The following AKAP17A variants were observed in gnomAD, a reference collection of about 807,000 sequenced individuals.
The protein encoded by AKAP17A is A-kinase anchor protein 17A.
AKAP17A carries 15 observed loss-of-function variants against 52.2 expected under a neutral mutation model. The observed-to-expected ratio is 0.29, with a 90% CI of 0.19 to 0.44. The LOEUF is 0.44. Ranked by LOEUF, AKAP17A falls within the 20% of genes least tolerant of loss-of-function variation. AKAP17A has a pLI of 1.00. For synonymous variants in AKAP17A, 514 were observed against 424.7 expected, an observed-to-expected ratio of 1.21 and a Z score of -2.58; for missense variants, 1,060 against 1,007.0, an observed-to-expected ratio of 1.05 and a Z score of -0.71.
At chrX:1,596,448 C>G (rs1160011897) in intron 3 of AKAP17A, among the ~76,000 whole-genome samples, 14 of 108,560 alleles carry the variant, frequency 1.3e-4, no homozygotes, top group East Asian at 2.6e-4. Flanking sequence ...TCCTCCTCCT[C>G]CATCCCTCCC....
rs778247081 is a variant in AKAP17A, at chrX:1,593,451, G to A, written c.-12G>A. On this transcript the variant is annotated 5_prime_UTR_variant, in exon 2 of 5. Coordinates refer to ENST00000313871, the MANE Select transcript of AKAP17A (RefSeq NM_005088.3). ...CTGCGTCTTATGTTTCAGGCCCAAG[G>A]TCCCGGAGGCTATGGCAGCGGCTAC... 3.1e-6 allele frequency: 5 copies of A among 1,609,218 alleles called. No homozygotes were observed. The Admixed American group carries it at 8.3e-5, about 27-fold the overall frequency.
At chrX:1,599,694 G>C in intron 4 of AKAP17A, 1 of 644,190 alleles carries the variant, frequency 1.6e-6, no homozygotes, top group Non-Finnish European at 2.8e-6. Context: ...GCAGCCTCCC[G>C]GGGGCCAGGG....
At chrX:1,592,614 G>A (rs1932858070) in intron 1 of AKAP17A, among the ~76,000 whole-genome samples, 1 of 152,138 alleles carries the variant, frequency 6.6e-6, no homozygotes, top group Non-Finnish European at 1.5e-5. Flanking sequence ...TGGGCGAGGA[G>A]GCCGTCTCCT....
rs754389766 is a variant in AKAP17A, at chrX:1,601,504, C to T, written c.1998C>T (p.Ser666=). 4.4e-5 allele frequency: 67 copies of T among 1,527,128 alleles called. No individual in the cohort carries two copies. The Admixed American group carries it at 9.6e-4, about 22-fold the overall frequency. The allele number at this position is 1,527,128 out of a possible 1,614,324, so 94.6% of individuals were successfully genotyped here. Residue 666 remains serine (S), a synonymous_variant, in exon 5 of 5, where the codon AGC becomes AGT. Transcript: ENST00000313871. The part of the protein sequence containing the change: ...RRERSRERRG[S]ASRKHSRHRR... ...AGCGGAGCCGGGAGCGGAGGGGCAG[C>T]GCCAGCAGGAAGCACAGCCGCCACC...
At position 1,599,381 on chromosome X, in the gene AKAP17A, G is replaced by T; in HGVS notation, c.1101G>T (p.Gln367His). Residue 367 changes from glutamine to histidine, a missense_variant, in exon 4 of 5, where the codon CAG becomes CAT. Physicochemically the swap from Gln to His is conservative, Grantham distance 24. This residue lies in a region of AKAP17A where 793 missense variants were observed against 629.9 expected (regional missense o/e 1.26). Coordinates refer to ENST00000313871, the MANE Select transcript of AKAP17A (RefSeq NM_005088.3). The stretch of plus-strand genomic sequence containing the variant: ...AGGAGCGCAAGCTGCTGCTGGCCCA[G>T]AGGAACCTGCAGTCCATCCGGCTCA... The part of the protein sequence containing the change: ...KLEERKLLLA[Q>H]RNLQSIRLIA... 6.3e-7 allele frequency: 1 copy of T among 1,582,096 alleles called. No homozygotes were observed.
chrX:1,593,932 A>G lies in AKAP17A; in HGVS notation c.470A>G (p.Lys157Arg), dbSNP rs759201193. The change falls in exon 2 of 5, where the codon AAG (lysine) becomes AGG (arginine). Residue 157 changes from lysine (K) to arginine (R), a missense_variant. By Grantham distance (26) the Lys-to-Arg change is conservative (BLOSUM62 2). Transcript: ENST00000313871. ...ATCCACCTGGAGGGGCTGCCCTGCA[A>G]GTGGTTCGCCCTGAAGGAGTCGGGC... is the stretch of plus-strand genomic sequence containing the variant. ...DTIHLEGLPC[K>R]WFALKESGSE... is the part of the protein sequence containing the mutation. 97 of 1,610,430 alleles carry G rather than the reference A, an allele frequency of 6.0e-5. 1 individual carries two copies. In the East Asian group the frequency reaches 2.1e-3, roughly 35 times the overall value.
intron 4 of AKAP17A, chrX:1,600,234 C>G: frequency 7.7e-7 from 1 of 1,306,222 alleles, no homozygotes; most frequent in Non-Finnish European, 1.0e-6. Flanking sequence ...CTAACCCAGG[C>G]TAGGCCAGGC....
intron 3 of AKAP17A, among the ~76,000 whole-genome samples, chrX:1,597,359 G>A (rs776579307): frequency 6.6e-5 from 10 of 152,288 alleles, no homozygotes; most frequent in Admixed American, 3.9e-4. Flanking sequence ...CATGTCAGCC[G>A]TCAGGATTCC....
chrX:1,592,009 G>A lies in AKAP17A; in HGVS notation c.-20+240G>A, dbSNP rs189802203. 7.6e-3 allele frequency among the ~76,000 whole-genome samples: 1,144 copies of A among 151,502 alleles called. 14 individuals carry two copies. Among genetic ancestry groups the A allele is most frequent in the Non-Finnish European group, 9.7e-3 (659 of 67,792 alleles). On this transcript the variant is annotated intron_variant, in intron 1 of 4. Coordinates refer to ENST00000313871, the MANE Select transcript of AKAP17A (RefSeq NM_005088.3). Reference sequence around the variant, plus strand: ...CCGGGGGTCCCTGGAAGTAGGGGTAGGGGCTGGAGCGGTTCCTGGGACTGC... The same window carrying A: ...CCGGGGGTCCCTGGAAGTAGGGGTAAGGGCTGGAGCGGTTCCTGGGACTGC...
chrX:1,596,946 C>G (rs759478585), intron 3 of AKAP17A, among the ~76,000 whole-genome samples: 1 of 151,288 alleles, frequency 6.6e-6, no homozygotes, highest in South Asian at 2.1e-4. Flanking sequence ...TCCTCTTCGT[C>G]CTCCGTCCCT....
intron 4 of AKAP17A, chrX:1,600,039 C>T (rs1933270567): frequency 4.2e-6 from 3 of 708,662 alleles, no homozygotes; most frequent in Non-Finnish European, 6.6e-6. Context: ...ACAGACCTCC[C>T]CAGGACAGAC....
chrX:1,599,715 C>G, intron 4 of AKAP17A: 1 of 627,804 alleles, frequency 1.6e-6, no homozygotes, highest in Non-Finnish European at 2.9e-6. Context: ...CAGAGGCTCT[C>G]TGTTTCCTTT....
intron 3 of AKAP17A, among the ~76,000 whole-genome samples, chrX:1,598,554 G>T (rs1375857278): frequency 1.3e-4 from 20 of 152,116 alleles, no homozygotes; most frequent in African/African-American, 4.1e-4. Context: ...GCTGCGGGGC[G>T]GGGGAGGCTG....
At chrX:1,594,925 T>A (rs1345884944) in intron 2 of AKAP17A, among the ~76,000 whole-genome samples, 1 of 152,156 alleles carries the variant, frequency 6.6e-6, no homozygotes, top group African/African-American at 2.4e-5. Context: ...CCTAGCCTCG[T>A]GTTTTGACCG....
At chrX:1,598,295 T>TGGCCCGGCCCCC (rs1933130332) in intron 3 of AKAP17A, among the ~76,000 whole-genome samples, 1 of 151,752 alleles carries the variant, frequency 6.6e-6, no homozygotes, top group Non-Finnish European at 1.5e-5. Context: ...CGTCGGCACC[T>TGGCCCGGCCCCC]GGCCCGGCCC....
chrX:1,599,670 C>T, intron 4 of AKAP17A: 2 of 687,022 alleles, frequency 2.9e-6, no homozygotes, highest in South Asian at 3.6e-5. Context: ...CATTCAGGTT[C>T]CCCGAGCAGG....
chrX:1,595,388 C>G lies in AKAP17A; in HGVS notation c.767C>G (p.Ser256Cys), dbSNP rs1483300126. ...ACACTGTTTTTGCTTTTAAAGGTTT[C>G]TTTTGATTCGACCAAACACCTGAGT... The part of the protein sequence containing the change: ...GKAVACNIKV[S>C]FDSTKHLSDA... Residue 256 changes from serine to cysteine, a missense_variant, in exon 3 of 5, where the codon TCT becomes TGT. Ser to Cys is a moderately radical substitution (Grantham distance 112). This residue lies in a region of AKAP17A where 267 missense variants were observed against 377.1 expected (regional missense o/e 0.71). Coordinates refer to ENST00000313871, the MANE Select transcript of AKAP17A (RefSeq NM_005088.3). The G allele has an allele frequency of 6.2e-7, 1 of 1,613,870 alleles. No homozygotes were observed. Among genetic ancestry groups the G allele is most frequent in the Non-Finnish European group, 8.5e-7 (1 of 1,179,852 alleles).
intron 2 of AKAP17A, 61 bp from the exon 3 acceptor site, chrX:1,595,323 C>CT: frequency 6.2e-7 from 1 of 1,606,446 alleles, no homozygotes; most frequent in Non-Finnish European, 8.5e-7. Context: ...GAGAGGGCGC[C>CT]TGGCCGTGTG....
At chrX:1,598,306 C>G (rs1167341188) in intron 3 of AKAP17A, among the ~76,000 whole-genome samples, 1 of 152,176 alleles carries the variant, frequency 6.6e-6, no homozygotes, top group African/African-American at 2.4e-5. Context: ...GGCCCGGCCC[C>G]CTTCTTGGGG....
Sources: allele counts gnomAD v4.1 joint callset (sites outside exome capture counted in the v4.1 genomes callset), GRCh38; gene constraint gnomAD v4.1.1; regional missense constraint gnomAD v4.1.1; transcripts MANE v1.5; gene names NCBI Gene and HGNC (gene_info 2026-07-23, HGNC 2026-07-21).